Variants in NCAPH2 observed in about 807,000 individuals in gnomAD.
NCAPH2 encodes the protein condensin-2 complex subunit H2.
In NCAPH2, 56 loss-of-function variants were observed where a neutral mutation model predicts 88.6. The observed-to-expected ratio is 0.63, with a 90% CI of 0.51 to 0.79. The LOEUF is 0.79. Ranked by LOEUF, NCAPH2 falls within the 30% of genes least tolerant of loss-of-function variation. The probability of loss-of-function intolerance (pLI) is 0.00; values close to 1 mark genes in which losing one functional copy is unlikely to be tolerated. For synonymous variants in NCAPH2, 378 were observed against 313.6 expected (o/e 1.21, Z -2.17); for missense variants, 794 against 792.0 (o/e 1.00, Z -0.03).
chr22:50,524,183 C>A lies in NCAPH2; in HGVS notation c.*808C>A. On this transcript the variant is annotated 3_prime_UTR_variant, in exon 20 of 20. Coordinates refer to ENST00000420993, the MANE Select transcript of NCAPH2 (RefSeq NM_152299.4). The stretch of plus-strand genomic sequence containing the variant: ...AGCCTCTCCTTCTCAGCCCTCAGGG[C>A]CAGCCAGGCCCCACCGAGTCCAGCC... The A allele has an allele frequency of 1.2e-6, 2 of 1,609,320 alleles. No individual in the cohort carries two copies. The highest frequency in any genetic ancestry group is 2.2e-5 in the East Asian group (1 of 44,880).
At chr22:50,513,395 T>G (rs1261110660) in intron 1 of NCAPH2, among the ~76,000 whole-genome samples, 1 of 151,734 alleles carries the variant, frequency 6.6e-6, no homozygotes, top group African/African-American at 2.4e-5. Flanking sequence ...TCCCAGCACT[T>G]TGGGGGGCCG....
chr22:50,512,800 C>T (rs1345141908), intron 1 of NCAPH2, among the ~76,000 whole-genome samples: 1 of 152,160 alleles, frequency 6.6e-6, no homozygotes, highest in Non-Finnish European at 1.5e-5. Flanking sequence ...CCTGCCTTGG[C>T]CTCCCAGAGT....
In NCAPH2 at chr22:50,508,231, C is replaced by A; in HGVS notation, c.-107C>A. 1 of 854,690 alleles carries A rather than the reference C, an allele frequency of 1.2e-6. No homozygotes were observed. The highest frequency in any genetic ancestry group is 1.8e-5 in the South Asian group (1 of 56,506). The allele number at this position is 854,690 out of a possible 1,614,324, so 52.9% of individuals were successfully genotyped here. On this transcript the variant is annotated 5_prime_UTR_variant, in exon 1 of 20. Transcript: ENST00000420993. ...GCGCGACGCCGCGCCTACGCATTTTCCTGGGCGGGAACAGCAAAATGGCGC... is the reference window on the plus strand; with the variant it reads ...GCGCGACGCCGCGCCTACGCATTTTACTGGGCGGGAACAGCAAAATGGCGC...
intron 14 of NCAPH2, 37 bp downstream of exon 14, chr22:50,522,288 G>A (rs780719484): frequency 2.4e-5 from 38 of 1,609,042 alleles, no homozygotes; most frequent in South Asian, 7.8e-5. Flanking sequence ...CTAGGACCCC[G>A]TGGTGGCCCT....
At chr22:50,510,433 C>G (rs1225475494) in intron 1 of NCAPH2, among the ~76,000 whole-genome samples, 2 of 151,962 alleles carry the variant, frequency 1.3e-5, no homozygotes, top group East Asian at 1.9e-4. Flanking sequence ...AGTTTGTTTT[C>G]TTTTCTTTTT....
Position 50,518,279 on chromosome 22 carries a change from G to A in NCAPH2, c.646+1G>A. 1 of 1,612,268 alleles carries A rather than the reference G, an allele frequency of 6.2e-7. No individual in the cohort carries two copies. The highest frequency in any genetic ancestry group is 8.5e-7 in the Non-Finnish European group (1 of 1,179,686). On this transcript the variant is annotated splice_donor_variant, in intron 7 of 19. Coordinates refer to ENST00000420993, the MANE Select transcript of NCAPH2 (RefSeq NM_152299.4). LOFTEE classifies it high-confidence loss of function. Reference sequence around the variant, plus strand: ...TCCCCCATGCCAGGGACCCAGAAGGGTGAGGGCTTGGATGCGGGGGGCTTG... The same window carrying A: ...TCCCCCATGCCAGGGACCCAGAAGGATGAGGGCTTGGATGCGGGGGGCTTG...
rs759759210 is a variant in NCAPH2 at position 50,517,771 on chromosome 22, C to T, written c.382C>T (p.Arg128Trp). Residue 128 changes from arginine (R) to tryptophan (W), a missense_variant, in exon 5 of 20, where the codon CGG becomes TGG. Transcript: ENST00000420993. ...FLSLDDFPDS[R>W]TNVDLKNDQT... ...GTCGCTGGATGACTTCCCTGACTCC[C>T]GGACTAACGTGGATCTCAAGAATGA... 3 of 1,613,832 alleles carry T rather than the reference C, an allele frequency of 1.9e-6. No individual in the cohort carries two copies. The highest frequency in any genetic ancestry group is 1.3e-5 in the African/African-American group (1 of 74,938).
At chr22:50,512,552 T>G (rs1257808598) in intron 1 of NCAPH2, among the ~76,000 whole-genome samples, 1 of 150,576 alleles carries the variant, frequency 6.6e-6, no homozygotes. Context: ...TGTTTTTTTT[T>G]TTTTGTTTTT....
intron 9 of NCAPH2, 183 bp downstream of exon 9, chr22:50,519,503 G>C (rs918635124): frequency 7.0e-7 from 1 of 1,431,402 alleles, no homozygotes; most frequent in Non-Finnish European, 9.2e-7. Context: ...AGCAGCTTCT[G>C]TGTTCCTCCC....
intron 1 of NCAPH2, among the ~76,000 whole-genome samples, chr22:50,515,219 G>A (rs2068882797): frequency 6.6e-6 from 1 of 152,206 alleles, no homozygotes; most frequent in Non-Finnish European, 1.5e-5. Flanking sequence ...GTTCCAGGCA[G>A]ATGGAAATGC....
chr22:50,518,635 C>A lies in NCAPH2; in HGVS notation c.647-14C>A. Reference sequence around the variant, plus strand: ...GGGGCTGGGCTGACCTTGTCTGATCCCTGTCTCTCCCAGACACCGGGAGGA... The same window carrying A: ...GGGGCTGGGCTGACCTTGTCTGATCACTGTCTCTCCCAGACACCGGGAGGA... On this transcript the variant is annotated splice_polypyrimidine_tract_variant and intron_variant, in intron 7 of 19. Coordinates refer to ENST00000420993, the MANE Select transcript of NCAPH2 (RefSeq NM_152299.4). The A allele has an allele frequency of 6.3e-7, 1 of 1,596,338 alleles. No individual in the cohort carries two copies. Among genetic ancestry groups the A allele is most frequent in the Non-Finnish European group, 8.5e-7 (1 of 1,172,928 alleles).
At chr22:50,521,418 T>G in intron 10 of NCAPH2, 125 bp from the exon 11 acceptor site, 7 of 969,088 alleles carry the variant, frequency 7.2e-6, no homozygotes, top group Non-Finnish European at 9.7e-6. Context: ...TACTCCTCCT[T>G]TGGGAGCGCG....
chr22:50,519,425 C>T (rs1375640364), intron 9 of NCAPH2, 105 bp downstream of exon 9: 3 of 1,497,604 alleles, frequency 2.0e-6, no homozygotes, highest in Non-Finnish European at 2.7e-6. Flanking sequence ...GGCCTTGGCC[C>T]CAGACCACTG....
chr22:50,508,983 C>T (rs945581568), intron 1 of NCAPH2, among the ~76,000 whole-genome samples: 7 of 152,250 alleles, frequency 4.6e-5, no homozygotes, highest in Admixed American at 3.9e-4. Context: ...AGTCTGGCGT[C>T]CACGACACTT....
At chr22:50,513,298 C>T (rs943701800) in intron 1 of NCAPH2, among the ~76,000 whole-genome samples, 1 of 152,020 alleles carries the variant, frequency 6.6e-6, no homozygotes, top group Non-Finnish European at 1.5e-5. Context: ...GTGGCTCACG[C>T]CTGTGATCCC....
chr22:50,518,089 G>C, intron 6 of NCAPH2, 37 bp downstream of exon 6: 1 of 1,613,584 alleles, frequency 6.2e-7, no homozygotes, highest in Non-Finnish European at 8.5e-7. Flanking sequence ...AGGGAGGCCT[G>C]CCTGGGAAGG....
At chr22:50,516,092 C>T (rs915938431) in intron 1 of NCAPH2, among the ~76,000 whole-genome samples, 2 of 152,150 alleles carry the variant, frequency 1.3e-5, no homozygotes, top group Non-Finnish European at 2.9e-5. Context: ...TTATCTCTGC[C>T]TTTCCTACCC....
In NCAPH2 at chr22:50,524,309, A is replaced by C; in HGVS notation, c.*934A>C. ...GGGCCCTGCCTTGACAAAAGCCAGG[A>C]CCTCAGATGCAGGGCCTGGCCTCCC... On this transcript the variant is annotated 3_prime_UTR_variant, in exon 20 of 20. Coordinates refer to ENST00000420993, the MANE Select transcript of NCAPH2 (RefSeq NM_152299.4). 1 of 1,602,182 alleles carries C rather than the reference A, an allele frequency of 6.2e-7. No homozygotes were observed. Among genetic ancestry groups the C allele is most frequent in the Non-Finnish European group, 8.5e-7 (1 of 1,179,760 alleles).
rs138318301 is a variant in NCAPH2, at chr22:50,517,802, C to T, written c.413C>T (p.Thr138Met). The change falls in exon 5 of 20, where the codon ACG becomes ATG. Residue 138 changes from threonine (T) to methionine (M), a missense_variant. This residue lies in a region of NCAPH2 where 735 missense variants were observed against 696.3 expected (regional missense o/e 1.06). Coordinates refer to ENST00000420993, the MANE Select transcript of NCAPH2 (RefSeq NM_152299.4). The stretch of plus-strand genomic sequence containing the variant: ...AACGTGGATCTCAAGAATGATCAGA[C>T]GCCCAGTGTGAGTCCTGGCCTGGCC... ...RTNVDLKNDQ[T>M]PSEVLIIPLL... 65 of 1,613,884 alleles carry T rather than the reference C, an allele frequency of 4.0e-5. No homozygotes were observed. Among genetic ancestry groups the T allele is most frequent in the Middle Eastern group, 3.3e-4 (2 of 6,062 alleles).
Sources: allele counts gnomAD v4.1 joint callset (sites outside exome capture counted in the v4.1 genomes callset), GRCh38; gene constraint gnomAD v4.1.1; regional missense constraint gnomAD v4.1.1; transcripts MANE v1.5; gene names NCBI Gene and HGNC (gene_info 2026-07-23, HGNC 2026-07-21).